PTPRO: variants seen among roughly 807,000 people sequenced by gnomAD.
PTPRO encodes protein tyrosine phosphatase receptor type O.
A neutral mutation model predicts 145.2 loss-of-function variants in PTPRO; 62 were observed. That is an observed-to-expected ratio of 0.43 (90% CI 0.35 to 0.53). The LOEUF is 0.53. Ranked by LOEUF, PTPRO falls within the 20% of genes least tolerant of loss-of-function variation. PTPRO has a pLI of 0.01. For missense variants in PTPRO, 1,345 were observed against 1,482.7 expected, an observed-to-expected ratio of 0.91 and a Z score of 1.53; for synonymous variants, 565 against 514.7, an observed-to-expected ratio of 1.10 and a Z score of -1.32.
Position 15,467,765 on chromosome 12 carries a change from C to A in PTPRO, c.76-16209C>A, listed in dbSNP as rs185813040. On this transcript the variant is annotated intron_variant, in intron 1 of 26. Coordinates refer to ENST00000281171, the MANE Select transcript of PTPRO (RefSeq NM_030667.3). Reference sequence around the variant, plus strand: ...TTATAAATTCTTCTTCCCTCAGGAGCCAACTTCCACAAATACTGCTTCTGT... The same window carrying A: ...TTATAAATTCTTCTTCCCTCAGGAGACAACTTCCACAAATACTGCTTCTGT... Among the ~76,000 whole-genome samples, 328 of 152,308 alleles carry A rather than the reference C, an allele frequency of 2.2e-3. 2 individuals are homozygous for A. The highest frequency in any genetic ancestry group is 7.7e-3 in the African/African-American group (322 of 41,564).
chr12:15,520,436 G>C (rs1942692116), intron 10 of PTPRO, 124 bp downstream of exon 10: 2 of 705,552 alleles, frequency 2.8e-6, no homozygotes, highest in Non-Finnish European at 5.2e-6. Context: ...AATTTCATGG[G>C]AGATAATATT....
At chr12:15,335,323 A>G (rs192612785) in intron 1 of PTPRO, among the ~76,000 whole-genome samples, 433 of 152,178 alleles carry the variant, frequency 2.8e-3, no homozygotes, top group African/African-American at 0.01. Flanking sequence ...AGGGAATGGT[A>G]TATTGTCTCC....
At chr12:15,523,137 T>C (rs547096942) in intron 10 of PTPRO, among the ~76,000 whole-genome samples, 53 of 152,346 alleles carry the variant, frequency 3.5e-4, no homozygotes, top group African/African-American at 1.1e-3. Flanking sequence ...ATGAAACAAA[T>C]GCATTTTTAC....
intron 18 of PTPRO, among the ~76,000 whole-genome samples, chr12:15,567,219 C>T (rs1943922787): frequency 2.0e-5 from 3 of 152,124 alleles, no homozygotes; most frequent in Non-Finnish European, 2.9e-5. Context: ...ACTCCTCTCT[C>T]CTTCTCTAGA....
chr12:15,537,499 G>T (rs1190451441), intron 12 of PTPRO, among the ~76,000 whole-genome samples: 2 of 152,146 alleles, frequency 1.3e-5, no homozygotes, highest in African/African-American at 4.8e-5. Context: ...GGTCAAACCT[G>T]TGAACAAATC....
intron 2 of PTPRO, among the ~76,000 whole-genome samples, chr12:15,487,150 G>A (rs1381794857): frequency 6.6e-6 from 1 of 152,108 alleles, no homozygotes; most frequent in Non-Finnish European, 1.5e-5. Flanking sequence ...TGGGGACAGA[G>A]GATGTTCTTC....
chr12:15,377,726 A>T (rs922658384), intron 1 of PTPRO, among the ~76,000 whole-genome samples: 1 of 152,104 alleles, frequency 6.6e-6, no homozygotes, highest in African/African-American at 2.4e-5. Flanking sequence ...ATTTTACAAG[A>T]TAGACAATAT....
At position 15,503,915 on chromosome 12, in the gene PTPRO, T is replaced by C; in HGVS notation, c.1113T>C (p.Phe371=). The C allele has an allele frequency of 6.4e-7, 1 of 1,574,650 alleles. No individual in the cohort carries two copies. ...TTTTTATATATGATTTAGAGAACTT[T>C]ACTGAATATTTGATGGTGGATGAAG... is the stretch of plus-strand genomic sequence containing the variant. The part of the protein sequence containing the change: ...FHIHIEREEN[F]TEYLMVDEEA... The change falls in exon 6 of 27, where the codon TTT becomes TTC. Residue 371 remains phenylalanine (F), a synonymous_variant. Coordinates refer to ENST00000281171, the MANE Select transcript of PTPRO (RefSeq NM_030667.3).
Position 15,484,195 on chromosome 12 carries a change from G to A in PTPRO, c.297G>A (p.Val99=). 1 of 1,613,478 alleles carries A rather than the reference G, an allele frequency of 6.2e-7. No homozygotes were observed. Among genetic ancestry groups the A allele is most frequent in the Non-Finnish European group, 8.5e-7 (1 of 1,179,666 alleles). The change falls in exon 2 of 27, where the codon GTG becomes GTA. Residue 99 remains valine (V), a synonymous_variant. Coordinates refer to ENST00000281171, the MANE Select transcript of PTPRO (RefSeq NM_030667.3). ...HGLYYIITLV[V]VNGNVVTKPS... ...TTTATTATATAATCACTCTGGTAGT[G>A]GTAAATGGAAATGTGGTGACCAAGC...
chr12:15,508,773 G>T lies in PTPRO; in HGVS notation c.1464+6G>T. ...AAAAGCAGTACTGCACTCAGGTAAA[G>T]GAGAGGAAATGAGAATGGGCTCGCC... On this transcript the variant is annotated splice_donor_region_variant and intron_variant, in intron 7 of 26. Transcript: ENST00000281171. 6.2e-7 allele frequency: 1 copy of T among 1,613,796 alleles called. No homozygotes were observed. Among genetic ancestry groups the T allele is most frequent in the Non-Finnish European group, 8.5e-7 (1 of 1,179,890 alleles).
chr12:15,547,933 G>A (rs576382143), intron 13 of PTPRO, among the ~76,000 whole-genome samples: 2 of 152,240 alleles, frequency 1.3e-5, no homozygotes, highest in East Asian at 1.9e-4. Flanking sequence ...AGTAGTACTT[G>A]TCACTAGTCT....
chr12:15,412,106 C>T (rs1939817249), intron 1 of PTPRO, among the ~76,000 whole-genome samples: 2 of 152,214 alleles, frequency 1.3e-5, no homozygotes, highest in South Asian at 2.1e-4. Flanking sequence ...ATCATTCACA[C>T]GCAGTTGAAA....
At chr12:15,400,293 C>T (rs944302552) in intron 1 of PTPRO, among the ~76,000 whole-genome samples, 5 of 146,232 alleles carry the variant, frequency 3.4e-5, no homozygotes, top group Non-Finnish European at 7.8e-5. Context: ...GCCAATGTGC[C>T]CCATTTTCTT....
chr12:15,521,782 G>T (rs1030262636), intron 10 of PTPRO, among the ~76,000 whole-genome samples: 1 of 152,158 alleles, frequency 6.6e-6, no homozygotes, highest in African/African-American at 2.4e-5. Context: ...GGGAACAAAA[G>T]AAATGAAATA....
At chr12:15,481,495 G>A (rs1275813397) in intron 1 of PTPRO, among the ~76,000 whole-genome samples, 1 of 152,130 alleles carries the variant, frequency 6.6e-6, no homozygotes, top group African/African-American at 2.4e-5. Flanking sequence ...GTCCAATAAA[G>A]GGATGTTTTA....
At chr12:15,431,627 A>C (rs1478633318) in intron 1 of PTPRO, among the ~76,000 whole-genome samples, 1 of 152,194 alleles carries the variant, frequency 6.6e-6, no homozygotes, top group Non-Finnish European at 1.5e-5. Context: ...TGCAATTTTC[A>C]AAGCAAATGA....
At chr12:15,418,462 G>T (rs953644203) in intron 1 of PTPRO, among the ~76,000 whole-genome samples, 1 of 151,698 alleles carries the variant, frequency 6.6e-6, no homozygotes, top group Non-Finnish European at 1.5e-5. Context: ...GATTTCTAAA[G>T]CTCCTGAGGT....
intron 1 of PTPRO, among the ~76,000 whole-genome samples, chr12:15,331,882 G>T (rs1355695595): frequency 6.6e-6 from 1 of 150,736 alleles, no homozygotes; most frequent in Non-Finnish European, 1.5e-5. Flanking sequence ...AACACGTATT[G>T]TATCTTCCAC....
At position 15,552,659 on chromosome 12, in the gene PTPRO, T is replaced by C. The variant is rs2300284; in HGVS notation, c.2558+988T>C. Among the ~76,000 whole-genome samples the C allele has an allele frequency of 1.4e-3, 210 of 152,230 alleles. 2 individuals are homozygous for C. The East Asian group carries it at 0.039, about 28-fold the overall frequency. On this transcript the variant is annotated intron_variant, in intron 15 of 26. Transcript: ENST00000281171. ...AACAGGATGCCATGAAACTAGAGAA[T>C]AAAGACTAATTCTGAATGTGAAAAT...
Sources: gnomAD v4.1 joint callset for allele counts (sites outside exome capture counted in the v4.1 genomes callset) on GRCh38, gnomAD v4.1.1 for gene constraint, MANE v1.5 for transcripts, NCBI Gene and HGNC (gene_info 2026-07-23, HGNC 2026-07-21) for gene names.